The following PRICKLE2 variants were observed in gnomAD, a reference collection of about 807,000 sequenced individuals.
PRICKLE2 encodes prickle-like protein 2.
PRICKLE2 carries 21 observed loss-of-function variants against 81.4 expected under a neutral mutation model. The ratio of observed to expected loss-of-function variants is 0.26; its 90% CI spans 0.18 to 0.37. The LOEUF is 0.37. Among genes scored for constraint, PRICKLE2 ranks in the 10% least tolerant of loss-of-function variants. PRICKLE2 has a pLI of 1.00. For missense variants in PRICKLE2, 940 were observed against 1,109.0 expected (o/e 0.85, Z 2.16); for synonymous variants, 456 against 421.5 (o/e 1.08, Z -1.00).
chr3:64,162,916 G>A, intron 3 of PRICKLE2, 100 bp downstream of exon 3: 1 of 840,822 alleles, frequency 1.2e-6, no homozygotes, highest in Non-Finnish European at 2.1e-6. Context: ...AATTGCCAGA[G>A]TTCTTCTTCG....
intron 7 of PRICKLE2, among the ~76,000 whole-genome samples, chr3:64,123,314 T>C (rs1168727232): frequency 6.6e-6 from 1 of 152,190 alleles, no homozygotes; most frequent in East Asian, 1.9e-4. Flanking sequence ...CAGTGAAGGA[T>C]GAACAAGGTA....
chr3:64,112,605 T>C (rs2076867620), intron 7 of PRICKLE2, among the ~76,000 whole-genome samples: 1 of 152,208 alleles, frequency 6.6e-6, no homozygotes, highest in Non-Finnish European at 1.5e-5. Flanking sequence ...GCAAATGTGA[T>C]GTAGTTACAG....
In PRICKLE2 at chr3:64,249,032, A is replaced by G. The variant is rs879926777; in HGVS notation, c.129-50065T>C. ...AATCTTTTCCTATTACATAAAGGAA[A>G]ATAAATACATTAACAATCTGTATTA... is the stretch of plus-strand genomic sequence containing the variant. On this transcript the variant is annotated intron_variant, in intron 2 of 8. Coordinates refer to the PRICKLE2 transcript ENST00000295902. 1.5e-4 allele frequency among the ~76,000 whole-genome samples: 23 copies of G among 152,330 alleles called. 1 individual carries two copies. The highest frequency in any genetic ancestry group is 3.9e-4 in the East Asian group (2 of 5,184).
At chr3:64,128,743 C>CAAAAAAAAAAAAAAAAAAAA (rs34396377) in intron 7 of PRICKLE2, among the ~76,000 whole-genome samples, 1 of 94,112 alleles carries the variant, frequency 1.1e-5, no homozygotes, top group Non-Finnish European at 2.0e-5. Context: ...AAGACTGTCT[C>CAAAAAAAAAAAAAAAAAAAA]AAAAAAAAAA....
In PRICKLE2 at chr3:64,129,623, T is replaced by C. The variant is rs2077169545; in HGVS notation, c.1660+17207A>G. On this transcript the variant is annotated intron_variant, in intron 7 of 7. Transcript: ENST00000638394. Reference sequence around the variant, plus strand: ...GCAGAATTGCAGAGGATCTTGCTTCTACCTGGAGTGACAGAAGGAACAAGG... The same window carrying C: ...GCAGAATTGCAGAGGATCTTGCTTCCACCTGGAGTGACAGAAGGAACAAGG... Among the ~76,000 whole-genome samples, 5 of 152,134 alleles carry C rather than the reference T, an allele frequency of 3.3e-5. No individual in the cohort carries two copies. The South Asian group carries it at 8.3e-4, about 25-fold the overall frequency.
At chr3:64,186,295 G>A (rs1464891429) in intron 2 of PRICKLE2, among the ~76,000 whole-genome samples, 1 of 152,182 alleles carries the variant, frequency 6.6e-6, no homozygotes, top group Non-Finnish European at 1.5e-5. Flanking sequence ...CAACTATGCT[G>A]TAGTTAAGTA....
intron 2 of PRICKLE2, among the ~76,000 whole-genome samples, chr3:64,258,845 A>AAAAGAAAGAAAGAAAGAAAGAAAGAAAG (rs572884974): frequency 3.1e-3 from 104 of 33,974 alleles, no homozygotes; most frequent in South Asian, 6.6e-3. Flanking sequence ...AAAAAAAAAA[A>AAAAGAAAGAAAGAAAGAAAGAAAGAAAG]AAAGAAAGAA....
chr3:64,166,578 T>G (rs1280441867), intron 2 of PRICKLE2, among the ~76,000 whole-genome samples: 1 of 152,202 alleles, frequency 6.6e-6, no homozygotes, highest in Non-Finnish European at 1.5e-5. Flanking sequence ...TCAAGCCTAC[T>G]GATAACCACT....
At chr3:64,175,519 T>C (rs911781132) in intron 2 of PRICKLE2, among the ~76,000 whole-genome samples, 1 of 152,170 alleles carries the variant, frequency 6.6e-6, no homozygotes, top group Non-Finnish European at 1.5e-5. Context: ...TGATCAAGGG[T>C]CCCGAAATTT....
In PRICKLE2 at chr3:64,146,987, G is replaced by C; in HGVS notation, c.1503C>G (p.Pro501=). ...CCTCTTCCTCTTCCTCCTCATATTT[G>C]GGGACTTGGATGCTGCCTCGGGTCT... is the stretch of plus-strand genomic sequence containing the variant. The part of the protein sequence containing the change: ...FSETRGSIQV[P]KYEEEEEEEG... The change falls in exon 7 of 8, where the codon CCC becomes CCG. Residue 501 remains proline, a synonymous_variant. Coordinates refer to ENST00000638394, the MANE Select transcript of PRICKLE2 (RefSeq NM_198859.4). The C allele has an allele frequency of 1.2e-6, 2 of 1,614,040 alleles. No individual in the cohort carries two copies.
At chr3:64,108,023 G>A (rs1163880788) in intron 7 of PRICKLE2, among the ~76,000 whole-genome samples, 1 of 152,200 alleles carries the variant, frequency 6.6e-6, no homozygotes, top group Non-Finnish European at 1.5e-5. Flanking sequence ...GCAAACTACA[G>A]TGGCAATGGG....
chr3:64,131,735 T>G (rs1342078068), intron 7 of PRICKLE2, among the ~76,000 whole-genome samples: 1 of 152,206 alleles, frequency 6.6e-6, no homozygotes, highest in Non-Finnish European at 1.5e-5. Flanking sequence ...TTTCTTCTGT[T>G]ATAAATGGAA....
chr3:64,155,063 T>C (rs957654365), intron 5 of PRICKLE2: 3 of 147,726 alleles, frequency 2.0e-5, no homozygotes, highest in Non-Finnish European at 4.5e-5. Flanking sequence ...TCAGGAGAAT[T>C]GCTTGAACCT....
At chr3:64,133,881 AC>A (rs2077236469) in intron 7 of PRICKLE2, among the ~76,000 whole-genome samples, 1 of 152,016 alleles carries the variant, frequency 6.6e-6, no homozygotes, top group Non-Finnish European at 1.5e-5. Flanking sequence ...CAAATCTCAC[AC>A]TCATCCATTG....
intron 2 of PRICKLE2, chr3:64,175,161 G>T: frequency 5.5e-6 from 1 of 181,164 alleles, no homozygotes. Context: ...ATCACCCCAT[G>T]TGTATCTGCA....
chr3:64,186,104 C>T (rs55998228), intron 2 of PRICKLE2, among the ~76,000 whole-genome samples: 1 of 152,170 alleles, frequency 6.6e-6, no homozygotes, highest in African/African-American at 2.4e-5. Flanking sequence ...CATAGATCAA[C>T]AGTTCATTCA....
chr3:64,131,952 T>C (rs1490991756), intron 7 of PRICKLE2, among the ~76,000 whole-genome samples: 3 of 152,226 alleles, frequency 2.0e-5, no homozygotes, highest in African/African-American at 7.2e-5. Context: ...GTGAGTGCTT[T>C]ACCACTCCAA....
intron 2 of PRICKLE2, among the ~76,000 whole-genome samples, chr3:64,248,664 AAC>A (rs869104110): frequency 4.0e-5 from 6 of 150,514 alleles, no homozygotes; most frequent in Admixed American, 6.6e-5. Flanking sequence ...AACCAAAAAA[AAC>A]AAAACAAAAA....
At chr3:64,241,374 G>A (rs1460014845) in intron 2 of PRICKLE2, among the ~76,000 whole-genome samples, 1 of 152,172 alleles carries the variant, frequency 6.6e-6, no homozygotes, top group Non-Finnish European at 1.5e-5. Flanking sequence ...CCAGGGCGGA[G>A]AGTCAGCTCA....
Sources: gnomAD v4.1 joint callset for allele counts (sites outside exome capture counted in the v4.1 genomes callset) on GRCh38, gnomAD v4.1.1 for gene constraint, MANE v1.5 for transcripts, NCBI Gene and HGNC (gene_info 2026-07-23, HGNC 2026-07-21) for gene names.